Variants in ACTN2 observed in about 807,000 individuals in gnomAD.
ACTN2 encodes the protein alpha-actinin-2.
In ACTN2, 39 loss-of-function variants were observed where a neutral mutation model predicts 113.8. The ratio of observed to expected loss-of-function variants is 0.34; its 90% CI spans 0.27 to 0.45. ACTN2 has a LOEUF of 0.45. ACTN2 is among the 20% of genes least tolerant of loss of function. The probability of loss-of-function intolerance (pLI) is 1.00; values close to 1 mark genes in which losing one functional copy is unlikely to be tolerated. For synonymous variants in ACTN2, 429 were observed against 444.1 expected, an observed-to-expected ratio of 0.97 and a Z score of 0.43; for missense variants, 992 against 1,177.9, an observed-to-expected ratio of 0.84 and a Z score of 2.31.
At chr1:236,712,429 G>C (rs571955627) in intron 1 of ACTN2, among the ~76,000 whole-genome samples, 2 of 152,300 alleles carry the variant, frequency 1.3e-5, no homozygotes, top group East Asian at 3.9e-4. Flanking sequence ...ATTCATTAAA[G>C]ATAGGGAAAC....
chr1:236,692,324 G>A (rs949935622), intron 1 of ACTN2, among the ~76,000 whole-genome samples: 1 of 152,218 alleles, frequency 6.6e-6, no homozygotes, highest in African/African-American at 2.4e-5. Flanking sequence ...TGTCAAGACA[G>A]TGGTATTGAC....
chr1:236,746,180 A>AAAG (rs924445214), intron 12 of ACTN2, among the ~76,000 whole-genome samples: 2 of 150,938 alleles, frequency 1.3e-5, no homozygotes, highest in Non-Finnish European at 3.0e-5. Context: ...AAAAAAAAAA[A>AAAG]AAAGAAAGAA....
At chr1:236,720,072 C>T in intron 3 of ACTN2, 33 bp from the exon 4 acceptor site, 1 of 1,448,756 alleles carries the variant, frequency 6.9e-7, no homozygotes, top group Non-Finnish European at 9.7e-7. Context: ...ACTATGTTAT[C>T]TTTACATTAA....
intron 1 of ACTN2, among the ~76,000 whole-genome samples, chr1:236,691,470 C>A (rs1022319095): frequency 6.6e-6 from 1 of 151,252 alleles, no homozygotes; most frequent in South Asian, 2.1e-4. Context: ...CAGCAAGACC[C>A]CGTCTTTGCA....
Position 236,702,465 on chromosome 1 carries a change from C to A in ACTN2, c.127-15393C>A, listed in dbSNP as rs1336401354. Among the ~76,000 whole-genome samples, 5 of 152,166 alleles carry A rather than the reference C, an allele frequency of 3.3e-5. No homozygotes were observed. In the East Asian group the frequency reaches 9.6e-4, roughly 29 times the overall value. On this transcript the variant is annotated intron_variant, in intron 1 of 20. Transcript: ENST00000366578. ...TTTTTAAATATTAAAAAAGTCACAA[C>A]CTGGAGAAAACAAGTGTGTACATTT...
chr1:236,725,436 T>C (rs555367727), intron 4 of ACTN2, among the ~76,000 whole-genome samples: 1 of 152,192 alleles, frequency 6.6e-6, no homozygotes, highest in African/African-American at 2.4e-5. Flanking sequence ...AAGACCAGCC[T>C]GGCCAACGTG....
chr1:236,710,403 T>C (rs1246837600), intron 1 of ACTN2, among the ~76,000 whole-genome samples: 1 of 152,238 alleles, frequency 6.6e-6, no homozygotes, highest in Admixed American at 6.5e-5. Flanking sequence ...GATTGTCCTG[T>C]TACATAATTT....
chr1:236,738,339 T>C (rs1279822605), intron 9 of ACTN2, among the ~76,000 whole-genome samples: 3 of 152,234 alleles, frequency 2.0e-5, no homozygotes, highest in Non-Finnish European at 4.4e-5. Flanking sequence ...ATTTGGTCTT[T>C]ATTGGGAAAA....
In ACTN2 at chr1:236,686,656, C is replaced by G. The variant is rs367979371; in HGVS notation, c.-18C>G. 3.2e-6 allele frequency: 5 copies of G among 1,550,092 alleles called. No homozygotes were observed. The highest frequency in any genetic ancestry group is 1.9e-5 in the Admixed American group (1 of 53,014). On this transcript the variant is annotated 5_prime_UTR_variant, in exon 1 of 21. Transcript: ENST00000366578. ...CGAGCCCCTCGCGCCCCGCCGCAGC[C>G]CCGGCCAACCGAGCGCCATGAACCA...
chr1:236,717,244 G>A (rs1021930667), intron 1 of ACTN2, among the ~76,000 whole-genome samples: 5 of 152,078 alleles, frequency 3.3e-5, no homozygotes, highest in African/African-American at 1.2e-4. Context: ...AGGAGTTTGA[G>A]ACCAGCCTGG....
chr1:236,696,927 G>T (rs1175265111), intron 1 of ACTN2, among the ~76,000 whole-genome samples: 1 of 152,074 alleles, frequency 6.6e-6, no homozygotes, highest in African/African-American at 2.4e-5. Flanking sequence ...CTCCCAAAGT[G>T]CTGGGATTAC....
At chr1:236,692,190 A>C (rs1666106618) in intron 1 of ACTN2, among the ~76,000 whole-genome samples, 1 of 152,266 alleles carries the variant, frequency 6.6e-6, no homozygotes. Context: ...GAAGGCATCA[A>C]TTTGAGAGTG....
At chr1:236,741,853 C>G (rs1659077578) in intron 10 of ACTN2, among the ~76,000 whole-genome samples, 1 of 152,160 alleles carries the variant, frequency 6.6e-6, no homozygotes, top group Admixed American at 6.5e-5. Flanking sequence ...CAGTGACTCC[C>G]CAAAGTATTG....
intron 1 of ACTN2, among the ~76,000 whole-genome samples, chr1:236,687,537 C>CA (rs1218854922): frequency 1.1e-4 from 17 of 152,344 alleles, no homozygotes; most frequent in African/African-American, 4.1e-4. Context: ...CTTGACTAGG[C>CA]AGGGAGCCTG....
In ACTN2 at chr1:236,705,199, T is replaced by A. The variant is rs570722280; in HGVS notation, c.127-12659T>A. 5.1e-3 allele frequency among the ~76,000 whole-genome samples: 782 copies of A among 152,008 alleles called. 8 individuals carry two copies. Among genetic ancestry groups the A allele is most frequent in the African/African-American group, 0.018 (750 of 41,352 alleles). On this transcript the variant is annotated intron_variant, in intron 1 of 20. Coordinates refer to ENST00000366578, the MANE Select transcript of ACTN2 (RefSeq NM_001103.4). ...TAAAACATATAAATATATACCTGTG[T>A]GTGTATAAATATATATATATAAAAA...
intron 1 of ACTN2, among the ~76,000 whole-genome samples, chr1:236,716,096 CTTCT>C (rs202142385): frequency 0.17 from 21,673 of 126,342 alleles, 1,512 homozygotes; most frequent in Middle Eastern, 0.25. Context: ...ATCCCTTCTT[CTTCT>C]TTTTTTTTTT....
At chr1:236,699,366 T>A (rs545703421) in intron 1 of ACTN2, among the ~76,000 whole-genome samples, 11 of 152,098 alleles carry the variant, frequency 7.2e-5, no homozygotes, top group Non-Finnish European at 1.3e-4. Context: ...CATTCCAAGA[T>A]TTTCCCCCAG....
intron 8 of ACTN2, among the ~76,000 whole-genome samples, chr1:236,736,273 T>C (rs1197432084): frequency 6.6e-6 from 1 of 152,254 alleles, no homozygotes; most frequent in Non-Finnish European, 1.5e-5. Flanking sequence ...TATTCACCTG[T>C]TTCTGTTCCT....
chr1:236,728,096 G>A (rs1404914228), intron 6 of ACTN2, among the ~76,000 whole-genome samples: 2 of 151,034 alleles, frequency 1.3e-5, no homozygotes, highest in Non-Finnish European at 2.9e-5. Context: ...AATATGAGAA[G>A]TGAAACCTCT....
Sources: allele counts gnomAD v4.1 joint callset (sites outside exome capture counted in the v4.1 genomes callset), GRCh38; gene constraint gnomAD v4.1.1; transcripts MANE v1.5; gene names NCBI Gene and HGNC (gene_info 2026-07-23, HGNC 2026-07-21).